TYW3: variants seen among roughly 807,000 people sequenced by gnomAD.
The protein encoded by TYW3 is tRNA wybutosine-synthesizing protein 3 homolog.
Under a neutral mutation model 23.1 loss-of-function variants are expected in TYW3, and 26 were observed. That is an observed-to-expected ratio of 1.13 (90% CI 0.83 to 1.56). The LOEUF (loss-of-function observed/expected upper bound fraction) is 1.56. TYW3 is among the 40% of genes most tolerant of loss of function. TYW3 has a pLI of 0.00. For missense variants in TYW3, 316 were observed against 311.9 expected (o/e 1.01, Z -0.10); for synonymous variants, 102 against 105.7 (o/e 0.97, Z 0.21).
chr1:74,746,217 G>T (rs1488690184), intron 3 of TYW3, among the ~76,000 whole-genome samples: 1 of 152,216 alleles, frequency 6.6e-6, no homozygotes, highest in Non-Finnish European at 1.5e-5. Context: ...TAAGCCATGA[G>T]CCTAGTTGAA....
chr1:74,760,265 G>T lies in TYW3; in HGVS notation c.561-3629G>T, dbSNP rs369137899. On this transcript the variant is annotated intron_variant, in intron 5 of 5. Coordinates refer to ENST00000370867, the MANE Select transcript of TYW3 (RefSeq NM_138467.3). The stretch of plus-strand genomic sequence containing the variant: ...GGCAGAGGCAGAAGAGGTAGAGAAG[G>T]TAGAAGGAGAAGCAGGAATATTTGG... Among the ~76,000 whole-genome samples, 10 of 152,162 alleles carry T rather than the reference G, an allele frequency of 6.6e-5. No homozygotes were observed. The East Asian group carries it at 1.9e-3, about 29-fold the overall frequency.
intron 5 of TYW3, among the ~76,000 whole-genome samples, chr1:74,754,569 C>T (rs1648892803): frequency 6.6e-6 from 1 of 151,994 alleles, no homozygotes; most frequent in South Asian, 2.1e-4. Context: ...ATCAGACATT[C>T]ATTAAGTACT....
At chr1:74,736,752 G>C in intron 2 of TYW3, 130 bp downstream of exon 2, 1 of 689,930 alleles carries the variant, frequency 1.4e-6, no homozygotes, top group Non-Finnish European at 2.3e-6. Context: ...AAAACCTAGA[G>C]AGCTTTCATT....
At chr1:74,754,765 G>A (rs995212819) in intron 5 of TYW3, among the ~76,000 whole-genome samples, 1 of 152,108 alleles carries the variant, frequency 6.6e-6, no homozygotes, top group Non-Finnish European at 1.5e-5. Context: ...CTTATGGGAA[G>A]AGACTTATCC....
intron 3 of TYW3, among the ~76,000 whole-genome samples, chr1:74,739,404 C>T (rs181650688): frequency 1.3e-5 from 2 of 152,214 alleles, no homozygotes; most frequent in East Asian, 1.9e-4. Flanking sequence ...AATGTTCTAC[C>T]GAAGGAAAAA....
intron 4 of TYW3, among the ~76,000 whole-genome samples, chr1:74,749,870 C>T (rs1227623677): frequency 6.6e-6 from 1 of 152,052 alleles, no homozygotes; most frequent in Admixed American, 6.5e-5. Flanking sequence ...GCAGGAGAAT[C>T]ACTTGAACCC....
In TYW3 at chr1:74,764,096, T is replaced by C. The variant is rs372727078; in HGVS notation, c.763T>C (p.Phe255Leu). The C allele has an allele frequency of 6.2e-5, 100 of 1,609,174 alleles. No individual in the cohort carries two copies. The highest frequency in any genetic ancestry group is 1.7e-4 in the Middle Eastern group (1 of 6,032). The stretch of plus-strand genomic sequence containing the variant: ...TGATCTAGGAATCAATGTTACCATC[T>C]TCCCTGAAGATTACTAAGCTTTGGT... ...DDDLGINVTIFPEDY is the reference protein window; with the variant it reads ...DDDLGINVTILPEDY Residue 255 changes from phenylalanine (F) to leucine (L), a missense_variant, in exon 6 of 6, where the codon TTC (phenylalanine) becomes CTC (leucine). Physicochemically the swap from Phe to Leu is conservative, Grantham distance 22. Transcript: ENST00000370867.
At chr1:74,753,125 A>G (rs188250394) in intron 5 of TYW3, among the ~76,000 whole-genome samples, 1 of 152,224 alleles carries the variant, frequency 6.6e-6, no homozygotes, top group African/African-American at 2.4e-5. Flanking sequence ...CTGACCTACC[A>G]TCAGCTAGAT....
chr1:74,736,300 A>G (rs1338045339), intron 1 of TYW3: 3 of 312,636 alleles, frequency 9.6e-6, no homozygotes, highest in East Asian at 5.8e-5. Flanking sequence ...AATCATGACC[A>G]TATTTCAGAA....
At chr1:74,734,430 A>T (rs1648059989) in intron 1 of TYW3, among the ~76,000 whole-genome samples, 1 of 152,172 alleles carries the variant, frequency 6.6e-6, no homozygotes, top group Non-Finnish European at 1.5e-5. Context: ...GATGCTGGCG[A>T]TTTGGATCTG....
At chr1:74,738,372 A>T (rs534203068) in intron 2 of TYW3, among the ~76,000 whole-genome samples, 1 of 152,328 alleles carries the variant, frequency 6.6e-6, no homozygotes, top group Non-Finnish European at 1.5e-5. Context: ...CAATCCTAAT[A>T]CAGTTTTTGT....
At chr1:74,749,526 T>C (rs1045163839) in intron 4 of TYW3, among the ~76,000 whole-genome samples, 1 of 152,218 alleles carries the variant, frequency 6.6e-6, no homozygotes, top group Non-Finnish European at 1.5e-5. Context: ...TGATATTTAC[T>C]GTTTGGCATG....
chr1:74,756,123 C>A (rs1417075059), intron 5 of TYW3, among the ~76,000 whole-genome samples: 1 of 152,190 alleles, frequency 6.6e-6, no homozygotes, highest in Non-Finnish European at 1.5e-5. Context: ...AAATCTCTTT[C>A]TTTTGTAAAT....
chr1:74,759,392 T>G (rs1372989142), intron 5 of TYW3, among the ~76,000 whole-genome samples: 1 of 149,092 alleles, frequency 6.7e-6, no homozygotes, highest in Non-Finnish European at 1.5e-5. Flanking sequence ...TTTTTTTTGG[T>G]AGAGATGAGG....
intron 3 of TYW3, among the ~76,000 whole-genome samples, chr1:74,746,446 A>G (rs545272987): frequency 6.6e-6 from 1 of 152,038 alleles, no homozygotes; most frequent in Non-Finnish European, 1.5e-5. Flanking sequence ...TTCTATATCC[A>G]TGTTCTGTTC....
chr1:74,766,670 T>A lies in TYW3; in HGVS notation c.*2557T>A, dbSNP rs1042530803. ...ATTTATTGAAGAAATAAAACATTTT[T>A]AATGAAATTTTGTGTAGTCTTAGTG... On this transcript the variant is annotated 3_prime_UTR_variant, in exon 6 of 6. Transcript: ENST00000370867. The A allele has an allele frequency of 4.6e-5, 7 of 152,212 alleles. No homozygotes were observed. Among genetic ancestry groups the A allele is most frequent in the African/African-American group, 1.7e-4 (7 of 41,460 alleles). The allele number at this position is 152,212 out of a possible 1,614,324, so 9.4% of individuals were successfully genotyped here. A position where few individuals can be genotyped will look rare whatever the true frequency, so the allele number is the denominator to read the frequency against.
rs147702962 is a variant in TYW3 at position 74,764,025 on chromosome 1, G to A, written c.692G>A (p.Cys231Tyr). The A allele has an allele frequency of 1.2e-6, 2 of 1,613,072 alleles. No homozygotes were observed. The highest frequency in any genetic ancestry group is 1.3e-5 in the African/African-American group (1 of 74,808). The change falls in exon 6 of 6, where the codon TGT (cysteine) becomes TAT (tyrosine). Residue 231 changes from cysteine to tyrosine, a missense_variant. Transcript: ENST00000370867. ...AACCCAGAAAAAACACGTGCCCAGT[G>A]TATTACTAAAGAAAGTGATGAAGAA... is the stretch of plus-strand genomic sequence containing the variant. ...KRNPEKTRAQ[C>Y]ITKESDEELE...
chr1:74,733,947 C>G (rs1648028246), intron 1 of TYW3, among the ~76,000 whole-genome samples: 2 of 151,576 alleles, frequency 1.3e-5, no homozygotes, highest in South Asian at 2.1e-4. Flanking sequence ...GAGAAAAGTA[C>G]GATCGTATAT....
Position 74,764,282 on chromosome 1 carries a change from T to C in TYW3, c.*169T>C, listed in dbSNP as rs534775392. ...TTGCCCAGAGGATGTGCAGTTGTCA[T>C]CTAAGCTCTCAGCAGTACCCGGCTT... On this transcript the variant is annotated 3_prime_UTR_variant, in exon 6 of 6. Coordinates refer to ENST00000370867, the MANE Select transcript of TYW3 (RefSeq NM_138467.3). 4 of 575,316 alleles carry C rather than the reference T, an allele frequency of 7.0e-6. No individual in the cohort carries two copies. The African/African-American group carries it at 7.6e-5, about 11-fold the overall frequency. 35.6% of individuals were successfully genotyped at this position (575,316 alleles called of 1,614,324 possible).
Sources: allele counts gnomAD v4.1 joint callset (sites outside exome capture counted in the v4.1 genomes callset), GRCh38; gene constraint gnomAD v4.1.1; transcripts MANE v1.5; gene names NCBI Gene and HGNC (gene_info 2026-07-23, HGNC 2026-07-21).